Variants in KIF4A observed in about 807,000 individuals in gnomAD.
KIF4A encodes the protein kinesin family member 4A.
In KIF4A, 7 loss-of-function variants were observed where a neutral mutation model predicts 105.9. The ratio of observed to expected loss-of-function variants is 0.07; its 90% confidence interval spans 0.04 to 0.12. The LOEUF is 0.12. Ranked by LOEUF, KIF4A falls within the 10% of genes least tolerant of loss-of-function variation. The pLI is 1.00. For missense variants in KIF4A, 558 were observed against 929.2 expected (o/e 0.60, Z 5.19); for synonymous variants, 281 against 331.3 (o/e 0.85, Z 1.65).
At chrX:70,316,793 T>C (rs960756750) in intron 7 of KIF4A, among the ~76,000 whole-genome samples, 1 of 111,948 alleles carries the variant, frequency 8.9e-6, no homozygotes, top group African/African-American at 3.2e-5. Flanking sequence ...TTTTGTAGTA[T>C]GGACTCCTTC....
Position 70,418,015 on chromosome X carries a change from G to T in KIF4A, c.3372+11G>T, listed in dbSNP as rs5980934. ...CGCCAGCAAGGCAAGGTAGGATCAG[G>T]GCTGTTTCCTCTCCCCTTCCCTTCA... On this transcript the variant is annotated intron_variant, in intron 29 of 30. Transcript: ENST00000374403. The T allele has an allele frequency of 0.08, 94,171 of 1,175,088 alleles. 2,848 individuals carry two copies. Among genetic ancestry groups the T allele is most frequent in the Middle Eastern group, 0.1 (436 of 4,251 alleles).
chrX:70,345,781 C>G (rs779228699), intron 13 of KIF4A, among the ~76,000 whole-genome samples: 1 of 111,363 alleles, frequency 9.0e-6, no homozygotes, highest in Non-Finnish European at 1.9e-5. Flanking sequence ...GGTCAAGGTT[C>G]ACAGGTGGGA....
intron 28 of KIF4A, among the ~76,000 whole-genome samples, chrX:70,409,972 A>G (rs2086315765): frequency 9.0e-6 from 1 of 111,591 alleles, no homozygotes; most frequent in Admixed American, 9.6e-5. Context: ...CAAATATTGC[A>G]GTAAATAATA....
chrX:70,291,815 G>A (rs1048101169), intron 3 of KIF4A, among the ~76,000 whole-genome samples: 2 of 111,699 alleles, frequency 1.8e-5, no homozygotes, highest in African/African-American at 3.3e-5. Flanking sequence ...AGGTAGTCCA[G>A]TTGAGATTTG....
In KIF4A at chrX:70,406,893, C is replaced by T; in HGVS notation, c.3073C>T (p.Pro1025Ser). 8.3e-7 allele frequency: 1 copy of T among 1,210,788 alleles called. No individual in the cohort carries two copies. Among genetic ancestry groups the T allele is most frequent in the Non-Finnish European group, 1.1e-6 (1 of 895,090 alleles). Residue 1025 changes from proline (P) to serine (S), a missense_variant and splice_region_variant, in exon 28 of 31, where the codon CCA becomes TCA. Pro to Ser is a moderately conservative substitution (Grantham distance 74). Coordinates refer to ENST00000374403, the MANE Select transcript of KIF4A (RefSeq NM_012310.5). Reference sequence around the variant, plus strand: ...AACTACTCCAAACCTTTTTTCCTAGCCAAAACCTTCTCGTGTTAAAGAAAA... The same window carrying T: ...AACTACTCCAAACCTTTTTTCCTAGTCAAAACCTTCTCGTGTTAAAGAAAA... Reference protein sequence around the residue: ...DSSFEYVPPKPKPSRVKEKFL... With the variant: ...DSSFEYVPPKSKPSRVKEKFL...
At chrX:70,319,829 A>G (rs1449519707) in intron 7 of KIF4A, among the ~76,000 whole-genome samples, 1 of 112,045 alleles carries the variant, frequency 8.9e-6, no homozygotes, top group Admixed American at 9.4e-5. Context: ...GGAAAATAAA[A>G]TGTGTTCTTT....
At chrX:70,361,404 G>A (rs2086074894) in intron 15 of KIF4A, 2 of 114,829 alleles carry the variant, frequency 1.7e-5, no homozygotes, top group Admixed American at 1.8e-4. Flanking sequence ...TGCAATGTCT[G>A]GTGGCAGAGT....
intron 18 of KIF4A, among the ~76,000 whole-genome samples, chrX:70,378,183 A>G (rs1350639895): frequency 8.9e-6 from 1 of 111,736 alleles, no homozygotes; most frequent in Non-Finnish European, 1.9e-5. Context: ...GGAATTTTAT[A>G]GTTGTAAATG....
chrX:70,414,702 G>A (rs1211762751), intron 28 of KIF4A, among the ~76,000 whole-genome samples: 4 of 111,797 alleles, frequency 3.6e-5, no homozygotes, highest in African/African-American at 1.3e-4. Flanking sequence ...ATAAAAGTGG[G>A]GTTAAACTGA....
intron 1 of KIF4A, 97 bp downstream of exon 1, chrX:70,290,247 T>G (rs1219704605): frequency 4.9e-6 from 2 of 404,670 alleles, no homozygotes; most frequent in Non-Finnish European, 8.1e-6. Flanking sequence ...GTTTTTTCTT[T>G]GCCTTTCAGA....
At position 70,370,380 on chromosome X, in the gene KIF4A, T is replaced by A. The variant is rs774443157; in HGVS notation, c.1675-3771T>A. Among the ~76,000 whole-genome samples, 176 of 108,966 alleles carry A rather than the reference T, an allele frequency of 1.6e-3. 1 individual carries two copies. The highest frequency in any genetic ancestry group is 2.6e-3 in the Non-Finnish European group (135 of 52,616). The allele number at this position is 108,966 out of a possible 115,157, so 94.6% of individuals were successfully genotyped here. The stretch of plus-strand genomic sequence containing the variant: ...CAAGGAGACTTGACCTTTACAAGTA[T>A]TATCTATTTTTTTATATAAATATAT... On this transcript the variant is annotated intron_variant, in intron 15 of 30. Coordinates refer to ENST00000374403, the MANE Select transcript of KIF4A (RefSeq NM_012310.5).
chrX:70,354,306 G>T (rs751641348), intron 15 of KIF4A, among the ~76,000 whole-genome samples: 7 of 112,385 alleles, frequency 6.2e-5, no homozygotes, highest in African/African-American at 2.3e-4. Context: ...AATGGCCCTT[G>T]CTCCAGACTT....
At chrX:70,393,083 T>G (rs2086244021) in intron 20 of KIF4A, among the ~76,000 whole-genome samples, 2 of 110,228 alleles carry the variant, frequency 1.8e-5, no homozygotes, top group Non-Finnish European at 3.8e-5. Flanking sequence ...AAGTTTCCCC[T>G]TAAGTATTCC....
chrX:70,335,953 T>C (rs1221499335), intron 10 of KIF4A, among the ~76,000 whole-genome samples: 3 of 112,343 alleles, frequency 2.7e-5, no homozygotes. Context: ...TTCTACCTCT[T>C]TTCTACCATT....
intron 7 of KIF4A, among the ~76,000 whole-genome samples, chrX:70,317,389 A>G (rs2085873398): frequency 9.0e-6 from 1 of 110,960 alleles, no homozygotes; most frequent in African/African-American, 3.3e-5. Flanking sequence ...TATCTAGTTT[A>G]ATAAATGATT....
At chrX:70,357,005 C>T (rs923387489) in intron 15 of KIF4A, among the ~76,000 whole-genome samples, 1 of 111,717 alleles carries the variant, frequency 9.0e-6, no homozygotes, top group Non-Finnish European at 1.9e-5. Flanking sequence ...ACTTAGTTTT[C>T]GATATACCTG....
intron 20 of KIF4A, among the ~76,000 whole-genome samples, chrX:70,388,546 C>G (rs2086226236): frequency 9.0e-6 from 1 of 111,633 alleles, no homozygotes. Context: ...CACATTCTTG[C>G]CAATAATTAG....
intron 22 of KIF4A, among the ~76,000 whole-genome samples, chrX:70,398,058 G>C (rs1385221119): frequency 8.9e-6 from 1 of 111,833 alleles, no homozygotes; most frequent in African/African-American, 3.2e-5. Flanking sequence ...TGTTTGTTTT[G>C]AGACAAAGTC....
chrX:70,358,852 G>C (rs1193470509), intron 15 of KIF4A, among the ~76,000 whole-genome samples: 2 of 112,353 alleles, frequency 1.8e-5, no homozygotes, highest in Non-Finnish European at 3.8e-5. Context: ...GCCTAGTGGT[G>C]GTATGCCATC....
Sources: gnomAD v4.1 joint callset for allele counts (sites outside exome capture counted in the v4.1 genomes callset) on GRCh38, gnomAD v4.1.1 for gene constraint, MANE v1.5 for transcripts, NCBI Gene and HGNC (gene_info 2026-07-23, HGNC 2026-07-21) for gene names.